DAB1: variants seen among roughly 807,000 people sequenced by gnomAD.
The protein encoded by DAB1 is disabled homolog 1.
In DAB1, 15 loss-of-function variants were observed where a neutral mutation model predicts 64.6. The observed-to-expected ratio is 0.23, with a 90% CI of 0.16 to 0.36. DAB1 has a LOEUF of 0.36. Among genes scored for constraint, DAB1 ranks in the 10% least tolerant of loss-of-function variants. The probability of loss-of-function intolerance (pLI) is 1.00; values close to 1 mark genes in which losing one functional copy is unlikely to be tolerated. For missense variants in DAB1, 596 were observed against 706.7 expected, an observed-to-expected ratio of 0.84 and a Z score of 1.78; for synonymous variants, 235 against 251.9, an observed-to-expected ratio of 0.93 and a Z score of 0.64.
chr1:58,014,235 TAAATA>T (rs1195341348), intron 5 of DAB1, among the ~76,000 whole-genome samples: 1 of 152,206 alleles, frequency 6.6e-6, no homozygotes, highest in Non-Finnish European at 1.5e-5. Flanking sequence ...ATTGTGTCAT[TAAATA>T]AAAGGAGAAT....
chr1:58,236,078 C>T (rs1157296209), intron 4 of DAB1, among the ~76,000 whole-genome samples: 4 of 151,966 alleles, frequency 2.6e-5, no homozygotes, highest in African/African-American at 9.7e-5. Flanking sequence ...CCTGGGCCTA[C>T]CCCTTGGCCT....
At chr1:58,038,412 A>G (rs1024617818) in intron 5 of DAB1, among the ~76,000 whole-genome samples, 1 of 152,206 alleles carries the variant, frequency 6.6e-6, no homozygotes, top group African/African-American at 2.4e-5. Flanking sequence ...ACTTGATTAG[A>G]AAACAAACCT....
rs1570668631 is a variant in DAB1, at chr1:57,606,604, T to TA, written n.625+42987dup. Reference sequence around the variant, plus strand: ...ATAATATAATATATTATATATTATATATATGAAATATATAATATATGAAAT... The same window carrying TA: ...ATAATATAATATATTATATATTATATAATATGAAATATATAATATATGAAAT... On this transcript the variant is annotated intron_variant and non_coding_transcript_variant, in intron 7 of 20. Coordinates refer to the DAB1 transcript ENST00000485760. 1.1e-4 allele frequency among the ~76,000 whole-genome samples: 13 copies of TA among 115,792 alleles called. No individual in the cohort carries two copies. In the East Asian group the frequency reaches 2.9e-3, roughly 26 times the overall value. The allele number at this position is 115,792 out of a possible 152,430, so 76.0% of individuals were successfully genotyped here.
At chr1:58,229,169 A>G (rs911866984) in intron 4 of DAB1, among the ~76,000 whole-genome samples, 2 of 152,070 alleles carry the variant, frequency 1.3e-5, no homozygotes, top group Non-Finnish European at 1.5e-5. Flanking sequence ...GGGTCTCACT[A>G]TGTATCCCAG....
rs202018344 is a variant in DAB1 at position 57,032,518 on chromosome 1, T to C, written c.724-6475A>G. On this transcript the variant is annotated intron_variant, in intron 9 of 14. Coordinates refer to ENST00000371236, the MANE Select transcript of DAB1 (RefSeq NM_001365792.1). ...GACGCAAATTAGAAGGCTTTCTGTT[T>C]TGCTTCCTATGAAGTGGCTTCCTAA... Among the ~76,000 whole-genome samples, 36 of 152,260 alleles carry C rather than the reference T, an allele frequency of 2.4e-4. No individual in the cohort carries two copies. The East Asian group carries it at 6.9e-3, about 29-fold the overall frequency.
intron 2 of DAB1, among the ~76,000 whole-genome samples, chr1:57,276,530 T>A (rs1009945208): frequency 6.6e-6 from 1 of 152,208 alleles, no homozygotes. Flanking sequence ...GAATAAAATA[T>A]GTTTGTAATG....
upstream of DAB1, among the ~76,000 whole-genome samples, chr1:57,888,422 C>T (rs1049941014): frequency 6.6e-6 from 1 of 152,144 alleles, no homozygotes; most frequent in African/African-American, 2.4e-5. Flanking sequence ...CCCAGGGCAC[C>T]TTCCATTGTG....
intron 7 of DAB1, among the ~76,000 whole-genome samples, chr1:57,598,119 A>G (rs953285739): frequency 6.6e-5 from 10 of 152,178 alleles, no homozygotes; most frequent in African/African-American, 2.4e-4. Flanking sequence ...AGTAGCAGGG[A>G]CTACAGGTGC....
intron 5 of DAB1, among the ~76,000 whole-genome samples, chr1:58,064,553 C>A (rs909239649): frequency 6.6e-6 from 1 of 152,166 alleles, no homozygotes; most frequent in East Asian, 1.9e-4. Context: ...GTCAACCCAC[C>A]AGCCTTGATT....
intron 2 of DAB1, among the ~76,000 whole-genome samples, chr1:57,161,860 A>C (rs72672662): frequency 0.063 from 9,629 of 152,196 alleles, 420 homozygotes; most frequent in Non-Finnish European, 0.096. Context: ...CAAAAAAAAA[A>C]AAAAAGTTCA....
intron 1 of DAB1, among the ~76,000 whole-genome samples, chr1:57,308,514 T>TA (rs924717131): frequency 1.6e-3 from 240 of 151,742 alleles, no homozygotes; most frequent in African/African-American, 5.4e-3. Context: ...AGTGGGGATT[T>TA]AAAAAAAAAT....
At chr1:57,327,646 T>C (rs1676285566) in intron 1 of DAB1, among the ~76,000 whole-genome samples, 1 of 152,162 alleles carries the variant, frequency 6.6e-6, no homozygotes, top group Non-Finnish European at 1.5e-5. Flanking sequence ...TCCTGTGTCT[T>C]GGCAGGAGAG....
intron 6 of DAB1, among the ~76,000 whole-genome samples, chr1:57,747,627 G>A (rs1484535736): frequency 6.6e-6 from 1 of 151,872 alleles, no homozygotes; most frequent in African/African-American, 2.4e-5. Flanking sequence ...GGCTAACACA[G>A]TGAAACCCTG....
chr1:57,032,195 C>T (rs1056294655), intron 9 of DAB1, among the ~76,000 whole-genome samples: 1 of 152,180 alleles, frequency 6.6e-6, no homozygotes, highest in African/African-American at 2.4e-5. Flanking sequence ...CCCGAAAACA[C>T]CTTCTCACAG....
At chr1:57,253,469 C>T (rs549575123) in intron 2 of DAB1, among the ~76,000 whole-genome samples, 1 of 152,036 alleles carries the variant, frequency 6.6e-6, no homozygotes, top group South Asian at 2.1e-4. Context: ...CCTAAAGATT[C>T]CCCAGCAAGG....
intron 6 of DAB1, among the ~76,000 whole-genome samples, chr1:57,784,610 C>T (rs991856116): frequency 6.6e-6 from 1 of 152,116 alleles, no homozygotes; most frequent in South Asian, 2.1e-4. Flanking sequence ...TAATCCAAAG[C>T]ATAATCCAGA....
chr1:58,499,967 G>A (rs1388356251), intron 3 of DAB1, among the ~76,000 whole-genome samples: 3 of 151,712 alleles, frequency 2.0e-5, no homozygotes, highest in Non-Finnish European at 4.4e-5. Context: ...AAAAAAAGAA[G>A]AAAAAAATGG....
chr1:58,476,758 G>A (rs1645422878), intron 3 of DAB1, among the ~76,000 whole-genome samples: 1 of 152,178 alleles, frequency 6.6e-6, no homozygotes, highest in Admixed American at 6.5e-5. Flanking sequence ...ATTAAAATGG[G>A]TGCTTTTAAA....
At chr1:58,049,976 G>A (rs995072196) in intron 5 of DAB1, among the ~76,000 whole-genome samples, 43 of 152,260 alleles carry the variant, frequency 2.8e-4, no homozygotes, top group African/African-American at 4.1e-4. Context: ...GTTGGGAACC[G>A]TATGGAATCT....
Sources: gnomAD v4.1 joint callset for allele counts (sites outside exome capture counted in the v4.1 genomes callset) on GRCh38, gnomAD v4.1.1 for gene constraint, MANE v1.5 for transcripts, NCBI Gene and HGNC (gene_info 2026-07-23, HGNC 2026-07-21) for gene names.